LY96: variants seen among roughly 807,000 people sequenced by gnomAD.
The protein encoded by LY96 is myeloid differentiation protein-2.
In LY96, 18 loss-of-function variants were observed where a neutral mutation model predicts 18.9. That is an observed-to-expected ratio of 0.95 (90% CI 0.66 to 1.41). The LOEUF is 1.41. LY96 is among the 40% of genes most tolerant of loss of function. LY96 has a pLI of 0.00. For synonymous variants in LY96, 66 were observed against 62.6 expected (o/e 1.06, Z -0.26); for missense variants, 175 against 182.4 (o/e 0.96, Z 0.23).
the LY96 span, among the ~76,000 whole-genome samples, chr8:74,090,378 A>C: frequency 6.6e-6 from 1 of 152,220 alleles, no homozygotes; most frequent in Non-Finnish European, 1.5e-5. Flanking sequence ...AGCAAATACA[A>C]ATAGATAGGA....
chr8:74,053,587 C>A, the LY96 span, among the ~76,000 whole-genome samples: 7 of 152,186 alleles, frequency 4.6e-5, no homozygotes, highest in Non-Finnish European at 8.8e-5. Flanking sequence ...CATGCTATTT[C>A]ATTACTCTCT....
the LY96 span, among the ~76,000 whole-genome samples, chr8:74,041,681 T>A: frequency 6.6e-6 from 1 of 152,130 alleles, no homozygotes; most frequent in African/African-American, 2.4e-5. Flanking sequence ...TCCTGCAGTA[T>A]CCTCAGGCTT....
the LY96 span, among the ~76,000 whole-genome samples, chr8:74,058,482 A>G: frequency 6.6e-6 from 1 of 151,892 alleles, no homozygotes; most frequent in African/African-American, 2.4e-5. Context: ...GCAAAAGGAT[A>G]CTTACATATC....
the LY96 span, among the ~76,000 whole-genome samples, chr8:74,051,296 G>A: frequency 6.6e-6 from 1 of 152,142 alleles, no homozygotes; most frequent in African/African-American, 2.4e-5. Context: ...GTACACACCA[G>A]GCTTTGGTGT....
chr8:74,069,504 T>A, the LY96 span, among the ~76,000 whole-genome samples: 58 of 152,364 alleles, frequency 3.8e-4, no homozygotes, highest in South Asian at 2.5e-3. Flanking sequence ...TTCCATAGCA[T>A]CATTTGCATG....
chr8:74,016,940 A>G (rs1009945066), intron 3 of LY96, among the ~76,000 whole-genome samples: 1 of 152,234 alleles, frequency 6.6e-6, no homozygotes, highest in East Asian at 1.9e-4. Flanking sequence ...AACCACAAAG[A>G]TGGGGAGCAA....
At chr8:74,050,426 C>CA in the LY96 span, among the ~76,000 whole-genome samples, 3 of 151,872 alleles carry the variant, frequency 2.0e-5, no homozygotes, top group East Asian at 5.8e-4. Flanking sequence ...CCACCTCACC[C>CA]ATAACACATA....
chr8:74,031,475 A>C (rs1448974181), downstream of LY96, among the ~76,000 whole-genome samples: 1 of 151,880 alleles, frequency 6.6e-6, no homozygotes, highest in Non-Finnish European at 1.5e-5. Flanking sequence ...AAAATACAAA[A>C]ATTAGCCGGG....
At chr8:73,999,803 G>C (rs774007202) in intron 1 of LY96, among the ~76,000 whole-genome samples, 1 of 152,152 alleles carries the variant, frequency 6.6e-6, no homozygotes, top group South Asian at 2.1e-4. Context: ...ACAGGCATGA[G>C]CCACCATGTC....
At chr8:74,035,813 A>AT in the LY96 span, among the ~76,000 whole-genome samples, 2 of 152,164 alleles carry the variant, frequency 1.3e-5, no homozygotes, top group African/African-American at 2.4e-5. Context: ...CTTTCAACCA[A>AT]TTGCCAATCA....
rs1816304783 is a variant in LY96 at position 74,002,089 on chromosome 8, T to TC, written c.113-2707_113-2706insC. On this transcript the variant is annotated intron_variant, in intron 1 of 4. Coordinates refer to ENST00000284818, the MANE Select transcript of LY96 (RefSeq NM_015364.5). ...TTCCTTCCTTCCTTTCTTTCTTTCT[T>TC]TCTTTCTCTCTCTCTCTCTCTCTCT... Among the ~76,000 whole-genome samples the TC allele has an allele frequency of 4.8e-4, 12 of 25,064 alleles. 2 individuals are homozygous for TC. The highest frequency in any genetic ancestry group is 2.1e-3 in the African/African-American group (10 of 4,798). The allele number at this position is 25,064 out of a possible 152,430, so 16.4% of individuals were successfully genotyped here. A position where few individuals can be genotyped will look rare whatever the true frequency, so the allele number is the denominator to read the frequency against.
intron 1 of LY96, among the ~76,000 whole-genome samples, chr8:74,000,295 TA>T (rs938642543): frequency 4.7e-5 from 7 of 148,280 alleles, no homozygotes; most frequent in African/African-American, 1.8e-4. Flanking sequence ...TCCTTGCTCT[TA>T]AGTTCCATTT....
the LY96 span, among the ~76,000 whole-genome samples, chr8:74,065,902 T>A: frequency 6.6e-6 from 1 of 152,186 alleles, no homozygotes; most frequent in Non-Finnish European, 1.5e-5. Context: ...TATTGGTGAG[T>A]ACAAAGGTGA....
At chr8:74,079,359 C>G in the LY96 span, among the ~76,000 whole-genome samples, 1 of 152,212 alleles carries the variant, frequency 6.6e-6, no homozygotes, top group Non-Finnish European at 1.5e-5. Context: ...TTATATGTCT[C>G]TCTAAGTATC....
chr8:74,074,643 A>ATTAC, the LY96 span, among the ~76,000 whole-genome samples: 1 of 151,978 alleles, frequency 6.6e-6, no homozygotes, highest in Non-Finnish European at 1.5e-5. Context: ...CTTCCCTCTT[A>ATTAC]TTACTGCCTT....
At chr8:74,088,933 T>C in the LY96 span, among the ~76,000 whole-genome samples, 4 of 152,182 alleles carry the variant, frequency 2.6e-5, no homozygotes, top group Non-Finnish European at 5.9e-5. Flanking sequence ...AATTTAACAA[T>C]TGTATCCATG....
Position 74,002,573 on chromosome 8 carries a change from CTTT to C in LY96, c.113-2209_113-2207del, listed in dbSNP as rs750666985. On this transcript the variant is annotated intron_variant, in intron 1 of 4. Coordinates refer to ENST00000284818, the MANE Select transcript of LY96 (RefSeq NM_015364.5). ...AGCTCCATGATTTATTTATTTATTT[CTTT>C]TTTTTTTTTTTTTGAGACAGAGTCT... 1.1e-3 allele frequency among the ~76,000 whole-genome samples: 149 copies of C among 131,398 alleles called. 1 individual carries two copies. In the South Asian group the frequency reaches 0.016, roughly 14 times the overall value. 86.2% of individuals were successfully genotyped at this position (131,398 alleles called of 152,430 possible). A position where few individuals can be genotyped will look rare whatever the true frequency, so the allele number is the denominator to read the frequency against.
chr8:74,006,192 C>G (rs1192330706), intron 2 of LY96, among the ~76,000 whole-genome samples: 1 of 152,080 alleles, frequency 6.6e-6, no homozygotes, highest in African/African-American at 2.4e-5. Flanking sequence ...GATATTCTCT[C>G]TCTCTCTCTT....
the LY96 span, among the ~76,000 whole-genome samples, chr8:74,036,285 T>A: frequency 6.6e-6 from 1 of 152,184 alleles, no homozygotes; most frequent in African/African-American, 2.4e-5. Flanking sequence ...GTGCCTGAAT[T>A]CTGCTAAAAG....
Sources: allele counts gnomAD v4.1 joint callset (sites outside exome capture counted in the v4.1 genomes callset), GRCh38; gene constraint gnomAD v4.1.1; transcripts MANE v1.5; gene names NCBI Gene and HGNC (gene_info 2026-07-23, HGNC 2026-07-21).